SLC39A11: variants seen among roughly 807,000 people sequenced by gnomAD.
SLC39A11 encodes the protein solute carrier family 39 member 11, also known as zinc transporter ZIP11.
SLC39A11 carries 33 observed loss-of-function variants against 36.1 expected under a neutral mutation model. The observed-to-expected ratio is 0.91, with a 90% CI of 0.69 to 1.22. The LOEUF (loss-of-function observed/expected upper bound fraction) is 1.22. Among genes scored for constraint, SLC39A11 ranks in the 50% most tolerant of loss-of-function variants. SLC39A11 has a pLI of 0.00. For missense variants in SLC39A11, 432 were observed against 430.3 expected (o/e 1.00, Z -0.03); for synonymous variants, 166 against 170.3 (o/e 0.97, Z 0.20).
chr17:72,821,246 T>C (rs2077767133), intron 6 of SLC39A11, among the ~76,000 whole-genome samples: 1 of 150,624 alleles, frequency 6.6e-6, no homozygotes, highest in African/African-American at 2.4e-5. Context: ...CTCAGGCCTG[T>C]AATCTCAGCA....
Position 72,794,937 on chromosome 17 carries a change from T to C in SLC39A11, c.601+54697A>G, listed in dbSNP as rs139357973. Among the ~76,000 whole-genome samples the C allele has an allele frequency of 2.8e-3, 431 of 152,184 alleles. 4 individuals are homozygous for C. The highest frequency in any genetic ancestry group is 9.6e-3 in the African/African-American group (399 of 41,450). Reference sequence around the variant, plus strand: ...ACATCCACGACATTAGCATCCACACTGGATATGAGGGATGAATGCCACCAG... The same window carrying C: ...ACATCCACGACATTAGCATCCACACCGGATATGAGGGATGAATGCCACCAG... On this transcript the variant is annotated intron_variant, in intron 6 of 9. Coordinates refer to ENST00000255559, the MANE Select transcript of SLC39A11 (RefSeq NM_139177.4).
intron 6 of SLC39A11, among the ~76,000 whole-genome samples, chr17:72,822,736 CT>C (rs201408222): frequency 2.7e-5 from 4 of 149,686 alleles, no homozygotes; most frequent in African/African-American, 9.7e-5. Flanking sequence ...TCTTTTCTTT[CT>C]TTTTTTTTGC....
chr17:73,003,974 T>C (rs561011527), intron 4 of SLC39A11, among the ~76,000 whole-genome samples: 11 of 151,742 alleles, frequency 7.2e-5, no homozygotes, highest in African/African-American at 2.4e-4. Flanking sequence ...TAATCCCAGC[T>C]ACTATGGAGG....
chr17:73,080,475 A>G (rs1254793315), intron 3 of SLC39A11, among the ~76,000 whole-genome samples: 2 of 152,182 alleles, frequency 1.3e-5, no homozygotes, highest in Non-Finnish European at 2.9e-5. Flanking sequence ...ACCTTATACA[A>G]AAATCAACTT....
intron 7 of SLC39A11, among the ~76,000 whole-genome samples, chr17:72,657,740 G>A (rs1321478119): frequency 6.6e-6 from 1 of 152,218 alleles, no homozygotes; most frequent in Non-Finnish European, 1.5e-5. Context: ...GCAGAGGCAA[G>A]CTAGGGTAAG....
At chr17:72,708,636 C>T (rs991916298) in intron 7 of SLC39A11, among the ~76,000 whole-genome samples, 2 of 152,214 alleles carry the variant, frequency 1.3e-5, no homozygotes, top group Admixed American at 6.5e-5. Flanking sequence ...CCCATGGCCA[C>T]AGCATTGCTT....
chr17:73,011,190 C>T (rs2090491259), intron 4 of SLC39A11, among the ~76,000 whole-genome samples: 1 of 152,222 alleles, frequency 6.6e-6, no homozygotes, highest in Non-Finnish European at 1.5e-5. Flanking sequence ...GGAAGAAATG[C>T]ACAAGATGCA....
chr17:73,068,346 A>C, intron 3 of SLC39A11: 1 of 538,088 alleles, frequency 1.9e-6, no homozygotes, highest in Non-Finnish European at 3.3e-6. Flanking sequence ...TTCAGGTCTC[A>C]ATTATTCTCA....
At chr17:72,715,504 C>T (rs1157824817) in intron 7 of SLC39A11, among the ~76,000 whole-genome samples, 1 of 152,134 alleles carries the variant, frequency 6.6e-6, no homozygotes, top group Non-Finnish European at 1.5e-5. Flanking sequence ...AACATGATGA[C>T]CCCTGAGGAC....
intron 7 of SLC39A11, among the ~76,000 whole-genome samples, chr17:72,729,457 ATTTTTTTTT>A (rs55729197): frequency 1.4e-4 from 1 of 7,242 alleles, no homozygotes; most frequent in African/African-American, 3.4e-4. Flanking sequence ...ATATATATAT[ATTTTTTTTT>A]TTTTTTTTTT....
chr17:72,871,047 T>A (rs1360944566), intron 5 of SLC39A11, among the ~76,000 whole-genome samples: 1 of 140,972 alleles, frequency 7.1e-6, no homozygotes, highest in East Asian at 2.2e-4. Flanking sequence ...GTTTGTTTGT[T>A]TTGTTTTTGT....
intron 3 of SLC39A11, among the ~76,000 whole-genome samples, chr17:73,065,392 G>A (rs1351597594): frequency 3.9e-5 from 6 of 152,164 alleles, no homozygotes; most frequent in South Asian, 2.1e-4. Flanking sequence ...GCAACAGAGC[G>A]AGACTCCAGC....
At chr17:72,832,257 T>C (rs369244229) in intron 6 of SLC39A11, among the ~76,000 whole-genome samples, 7 of 152,206 alleles carry the variant, frequency 4.6e-5, no homozygotes, top group African/African-American at 1.2e-4. Flanking sequence ...ACTGAAGAAA[T>C]GGTGGTCTGA....
At chr17:72,824,302 C>T (rs1047894142) in intron 6 of SLC39A11, among the ~76,000 whole-genome samples, 1 of 151,314 alleles carries the variant, frequency 6.6e-6, no homozygotes, top group Admixed American at 6.6e-5. Flanking sequence ...TGCCTGCTTA[C>T]CCTTTTGCCT....
intron 7 of SLC39A11, among the ~76,000 whole-genome samples, chr17:72,716,528 T>C (rs933826473): frequency 6.6e-6 from 1 of 151,286 alleles, no homozygotes; most frequent in African/African-American, 2.4e-5. Context: ...AAGCCGCCGC[T>C]CTTCTCCAAG....
chr17:72,942,280 C>T (rs1056578739), intron 5 of SLC39A11, among the ~76,000 whole-genome samples: 1 of 152,030 alleles, frequency 6.6e-6, no homozygotes, highest in African/African-American at 2.4e-5. Context: ...TAACTCCTCT[C>T]AATTGGGCCA....
rs1477311058 is a variant in SLC39A11, at chr17:73,088,727, A to G, written c.38T>C (p.Leu13Pro). 4 of 1,611,840 alleles carry G rather than the reference A, an allele frequency of 2.5e-6. No individual in the cohort carries two copies. Among genetic ancestry groups the G allele is most frequent in the Non-Finnish European group, 3.4e-6 (4 of 1,179,026 alleles). The change falls in exon 2 of 10, where the codon CTG (leucine) becomes CCG (proline). Residue 13 changes from leucine (L) to proline (P), a missense_variant. Physicochemically the swap from Leu to Pro is moderately conservative, Grantham distance 98 (BLOSUM62 -3). Transcript: ENST00000255559. ...QGHSSVFQALLGTFFTWGMTA... is the reference protein window; with the variant it reads ...QGHSSVFQALPGTFFTWGMTA... Reference sequence around the variant, plus strand: ...CATCCCCCAGGTGAAGAAGGTCCCCAGCAAGGCCTGGAACACAGAGCTGTG... The same window carrying G: ...CATCCCCCAGGTGAAGAAGGTCCCCGGCAAGGCCTGGAACACAGAGCTGTG...
At position 73,062,149 on chromosome 17, in the gene SLC39A11, C is replaced by T. The variant is rs374807902; in HGVS notation, c.147+22659G>A. ...GTGCTTAGTTTGTCAAACTCATAAT[C>T]CTGGAAAGACAATCAAAACTTCAGA... On this transcript the variant is annotated intron_variant, in intron 3 of 9. Coordinates refer to ENST00000255559, the MANE Select transcript of SLC39A11 (RefSeq NM_139177.4). Among the ~76,000 whole-genome samples, 4 of 151,880 alleles carry T rather than the reference C, an allele frequency of 2.6e-5. No individual in the cohort carries two copies. The East Asian group carries it at 5.9e-4, about 22-fold the overall frequency.
intron 7 of SLC39A11, among the ~76,000 whole-genome samples, chr17:72,695,265 T>C (rs1344624399): frequency 1.3e-5 from 2 of 152,204 alleles, no homozygotes; most frequent in African/African-American, 4.8e-5. Context: ...CTCAGGAGTT[T>C]TGAGCCATTC....
Sources: gnomAD v4.1 joint callset for allele counts (sites outside exome capture counted in the v4.1 genomes callset) on GRCh38, gnomAD v4.1.1 for gene constraint, MANE v1.5 for transcripts, NCBI Gene and HGNC (gene_info 2026-07-23, HGNC 2026-07-21) for gene names.